SRC: variants seen among roughly 807,000 people sequenced by gnomAD.
The protein encoded by SRC is SRC proto-oncogene, non-receptor tyrosine kinase.
A neutral mutation model predicts 62.9 loss-of-function variants in SRC; 13 were observed. That is an observed-to-expected ratio of 0.21 (90% confidence interval 0.13 to 0.33). The LOEUF (loss-of-function observed/expected upper bound fraction) is 0.33. Among genes scored for constraint, SRC ranks in the 10% least tolerant of loss-of-function variants. The pLI is 1.00. For missense variants in SRC, 457 were observed against 737.3 expected, an observed-to-expected ratio of 0.62 and a Z score of 4.40; for synonymous variants, 302 against 317.5, an observed-to-expected ratio of 0.95 and a Z score of 0.52.
rs540682385 is a variant in SRC, at chr20:37,394,236, C to T, written c.512C>T (p.Pro171Leu). Residue 171 changes from proline to leucine, a missense_variant, in exon 7 of 14, where the codon CCG (proline) becomes CTG (leucine). By Grantham distance (98) the Pro-to-Leu change is moderately conservative (BLOSUM62 -3). Around this residue, in one of 4 missense-constraint regions of SRC, gnomAD observed 141 missense variants for 198.4 expected, o/e 0.71. Coordinates refer to ENST00000373578, the MANE Select transcript of SRC (RefSeq NM_198291.3). ...SERLLLNAEN[P>L]RGTFLVRESE... ...CGGTTACTGCTCAATGCAGAGAACCCGAGAGGGACCTTCCTCGTGCGAGAA... is the reference window on the plus strand; with the variant it reads ...CGGTTACTGCTCAATGCAGAGAACCTGAGAGGGACCTTCCTCGTGCGAGAA... 9.3e-6 allele frequency: 15 copies of T among 1,614,034 alleles called. No individual in the cohort carries two copies. Among genetic ancestry groups the T allele is most frequent in the South Asian group, 7.7e-5 (7 of 91,092 alleles).
chr20:37,374,704 A>G (rs1161189335), intron 2 of SRC, among the ~76,000 whole-genome samples: 1 of 151,182 alleles, frequency 6.6e-6, no homozygotes, highest in Admixed American at 6.6e-5. Flanking sequence ...CCTCCAGAGC[A>G]GCTTGGATTA....
chr20:37,346,015 G>T (rs569042127), upstream of SRC: 11 of 152,354 alleles, frequency 7.2e-5, no homozygotes, highest in African/African-American at 1.9e-4. Flanking sequence ...CCTCCCGGCT[G>T]CCTGCCGGGC....
chr20:37,390,536 G>A (rs2070530278), intron 5 of SRC, among the ~76,000 whole-genome samples: 1 of 151,638 alleles, frequency 6.6e-6, no homozygotes, highest in Non-Finnish European at 1.5e-5. Flanking sequence ...TTCCCAAGTA[G>A]CTGAGATTAC....
intron 2 of SRC, among the ~76,000 whole-genome samples, chr20:37,380,231 C>T (rs1431594627): frequency 6.6e-6 from 1 of 152,106 alleles, no homozygotes; most frequent in South Asian, 2.1e-4. Context: ...TATCCTCTCA[C>T]CCCTCTTCCA....
intron 1 of SRC, among the ~76,000 whole-genome samples, chr20:37,358,302 G>A (rs1260915257): frequency 3.3e-5 from 5 of 152,178 alleles, no homozygotes; most frequent in Non-Finnish European, 5.9e-5. Context: ...GGCTCTGGCC[G>A]TGGTCACCCC....
intron 2 of SRC, among the ~76,000 whole-genome samples, chr20:37,382,293 T>C (rs566373401): frequency 2.0e-5 from 3 of 152,290 alleles, no homozygotes; most frequent in African/African-American, 7.2e-5. Context: ...TCGTTACAGA[T>C]GAGGAAACGG....
At chr20:37,383,324 G>C (rs1008759620) in intron 3 of SRC, among the ~76,000 whole-genome samples, 58 of 152,192 alleles carry the variant, frequency 3.8e-4, no homozygotes, top group Non-Finnish European at 3.7e-4. Flanking sequence ...ATGTGTGAAG[G>C]CCCTGTGGCT....
rs183014923 is a variant in SRC, at chr20:37,394,592, T to C, written c.553+315T>C. Among the ~76,000 whole-genome samples, 3 of 152,220 alleles carry C rather than the reference T, an allele frequency of 2.0e-5. No individual in the cohort carries two copies. The East Asian group carries it at 5.8e-4, about 29-fold the overall frequency. On this transcript the variant is annotated intron_variant, in intron 7 of 13. Transcript: ENST00000373578. Reference sequence around the variant, plus strand: ...GTTCCCAGGGTAGGTGCTGCTACAATGAGCCCCGCTTCTTCCTCTTCCCCA... The same window carrying C: ...GTTCCCAGGGTAGGTGCTGCTACAACGAGCCCCGCTTCTTCCTCTTCCCCA...
chr20:37,391,625 G>T (rs549067603), intron 5 of SRC, among the ~76,000 whole-genome samples: 10 of 152,064 alleles, frequency 6.6e-5, no homozygotes, highest in Non-Finnish European at 1.3e-4. Flanking sequence ...AGGCCGAGGT[G>T]GGCAGATCAC....
At chr20:37,367,662 G>A (rs1482590962) in intron 2 of SRC, among the ~76,000 whole-genome samples, 1 of 146,948 alleles carries the variant, frequency 6.8e-6, no homozygotes, top group Admixed American at 6.8e-5. Flanking sequence ...TTTTAATTTT[G>A]TAGAGATAGG....
intron 1 of SRC, among the ~76,000 whole-genome samples, chr20:37,358,767 G>A (rs867330007): frequency 1.3e-4 from 20 of 152,224 alleles, no homozygotes; most frequent in Non-Finnish European, 2.5e-4. Flanking sequence ...CCCCTGCTGG[G>A]CTTCTGCCCT....
rs1367999795 is a variant in SRC at position 37,405,057 on chromosome 20, A to G, written c.*1678A>G. ...GCCAGCCAGGCCCTGCCAGTGGGGA[A>G]GGAGGCCAAGCAGTGCCTGCCTATG... On this transcript the variant is annotated 3_prime_UTR_variant, in exon 14 of 14. Coordinates refer to ENST00000373578, the MANE Select transcript of SRC (RefSeq NM_198291.3). 1 of 230,720 alleles carries G rather than the reference A, an allele frequency of 4.3e-6. No individual in the cohort carries two copies. Among genetic ancestry groups the G allele is most frequent in the South Asian group, 1.8e-4 (1 of 5,480 alleles). 14.3% of individuals were successfully genotyped at this position (230,720 alleles called of 1,614,324 possible). A position where few individuals can be genotyped will look rare whatever the true frequency, so the allele number is the denominator to read the frequency against.
chr20:37,400,341 G>T, intron 10 of SRC, 47 bp downstream of exon 10: 1 of 1,515,630 alleles, frequency 6.6e-7, no homozygotes, highest in South Asian at 1.3e-5. Flanking sequence ...CTCCGGACAG[G>T]GCAGGGAGCA....
intron 1 of SRC, among the ~76,000 whole-genome samples, chr20:37,360,015 A>G (rs2069942858): frequency 6.6e-6 from 1 of 151,894 alleles, no homozygotes; most frequent in Non-Finnish European, 1.5e-5. Context: ...ACCACTACCC[A>G]TGGCCAGTCC....
At chr20:37,369,943 G>T (rs1173903775) in intron 2 of SRC, among the ~76,000 whole-genome samples, 1 of 152,084 alleles carries the variant, frequency 6.6e-6, no homozygotes, top group East Asian at 1.9e-4. Context: ...GGAATTACTG[G>T]CATCTGCCAC....
chr20:37,371,087 C>G (rs2070158771), intron 2 of SRC, among the ~76,000 whole-genome samples: 3 of 151,320 alleles, frequency 2.0e-5, no homozygotes, highest in Admixed American at 2.0e-4. Context: ...CTCTTGGGTT[C>G]AAGCAATTCT....
chr20:37,364,016 C>A (rs1209595401), intron 1 of SRC, among the ~76,000 whole-genome samples: 1 of 152,056 alleles, frequency 6.6e-6, no homozygotes, highest in Non-Finnish European at 1.5e-5. Context: ...CATCCCCGCA[C>A]AGGCCTGATA....
rs533042232 is a variant in SRC, at chr20:37,398,911, G to A, written c.859+1057G>A. On this transcript the variant is annotated intron_variant, in intron 9 of 13. Coordinates refer to ENST00000373578, the MANE Select transcript of SRC (RefSeq NM_198291.3). This position sits in a 1 kb window ranked among gnomAD's most constrained non-coding sequence, Gnocchi z 5.2. ...CCAGCAGGGCCACAGAGATTGGCCT[G>A]AGCCCCAACCCTCGGACGGAGGCCC... Among the ~76,000 whole-genome samples, 300 of 152,342 alleles carry A rather than the reference G, an allele frequency of 2.0e-3. No homozygotes were observed. Among genetic ancestry groups the A allele is most frequent in the Non-Finnish European group, 3.5e-3 (240 of 68,024 alleles).
At chr20:37,363,539 G>C (rs1474053717) in intron 1 of SRC, among the ~76,000 whole-genome samples, 3 of 152,098 alleles carry the variant, frequency 2.0e-5, no homozygotes, top group Non-Finnish European at 4.4e-5. Flanking sequence ...CAGCCTCCTG[G>C]GGCCCCTGTG....
Sources: gnomAD v4.1 joint callset for allele counts (sites outside exome capture counted in the v4.1 genomes callset) on GRCh38, gnomAD v4.1.1 for gene constraint, gnomAD v4.1.1 regional missense constraint, Gnocchi (gnomAD v3.1) non-coding constraint, MANE v1.5 for transcripts, NCBI Gene and HGNC (gene_info 2026-07-23, HGNC 2026-07-21) for gene names.